Variants in EFCAB11 observed in about 807,000 individuals in gnomAD.
The protein encoded by EFCAB11 is EF-hand calcium binding domain 11.
Under a neutral mutation model 23.0 loss-of-function variants are expected in EFCAB11, and 14 were observed. The observed-to-expected ratio is 0.61, with a 90% CI of 0.40 to 0.95. The LOEUF (loss-of-function observed/expected upper bound fraction) is 0.95. Among genes scored for constraint, EFCAB11 ranks in the 40% least tolerant of loss-of-function variants. The probability of loss-of-function intolerance (pLI) is 0.00; values close to 1 mark genes in which losing one functional copy is unlikely to be tolerated. For synonymous variants in EFCAB11, 65 were observed against 66.6 expected, an observed-to-expected ratio of 0.98 and a Z score of 0.11; for missense variants, 198 against 195.8, an observed-to-expected ratio of 1.01 and a Z score of -0.07.
chr14:89,917,080 GTGTGTGTGTGTGTGTGTA>G (rs59365611), intron 5 of EFCAB11, among the ~76,000 whole-genome samples: 2,978 of 141,434 alleles, frequency 0.021, 105 homozygotes, highest in African/African-American at 0.087. Flanking sequence ...GTGTGTGTGT[GTGTGTGTGTGTGTGTGTA>G]TGTGTGTGTT....
chr14:89,814,918 G>A (rs747121552), intron 5 of EFCAB11, among the ~76,000 whole-genome samples: 2 of 152,110 alleles, frequency 1.3e-5, no homozygotes, highest in Non-Finnish European at 2.9e-5. Context: ...AGAAAGGAAC[G>A]CCAATTTGTA....
intron 5 of EFCAB11, among the ~76,000 whole-genome samples, chr14:89,814,722 C>A (rs1886274012): frequency 6.6e-6 from 1 of 151,798 alleles, no homozygotes. Context: ...AAAAAATCAC[C>A]CAGCCCCACT....
At chr14:89,924,030 CT>C in intron 5 of EFCAB11, 1 of 985,530 alleles carries the variant, frequency 1.0e-6, no homozygotes. Context: ...GTCCTTACCC[CT>C]ATAATGGCTG....
At chr14:89,930,062 C>A (rs1890337671) in intron 5 of EFCAB11, among the ~76,000 whole-genome samples, 1 of 152,174 alleles carries the variant, frequency 6.6e-6, no homozygotes, top group South Asian at 2.1e-4. Flanking sequence ...TATCTCATCA[C>A]AAAATACAAA....
intron 5 of EFCAB11, among the ~76,000 whole-genome samples, chr14:89,918,265 G>A (rs954424365): frequency 5.3e-5 from 8 of 152,236 alleles, no homozygotes; most frequent in Admixed American, 2.6e-4. Flanking sequence ...AAGGCTGGGC[G>A]TGGTGGCTCA....
chr14:89,949,193 A>T (rs1441428735), intron 3 of EFCAB11, among the ~76,000 whole-genome samples: 21 of 152,126 alleles, frequency 1.4e-4, no homozygotes, highest in Admixed American at 1.4e-3. Flanking sequence ...ATTTCCCATG[A>T]TGTGACTATT....
chr14:89,938,999 T>C (rs1041679307), intron 3 of EFCAB11, among the ~76,000 whole-genome samples: 46 of 141,896 alleles, frequency 3.2e-4, no homozygotes, highest in Non-Finnish European at 4.4e-4. Flanking sequence ...CCAGTTACAG[T>C]AGAATAGAGA....
chr14:89,836,967 A>C (rs908691122), intron 5 of EFCAB11: 1 of 453,402 alleles, frequency 2.2e-6, no homozygotes, highest in African/African-American at 2.0e-5. Flanking sequence ...GGCTGCAGTG[A>C]GCCAAGACTG....
rs1354235916 is a variant in EFCAB11 at position 89,795,708 on chromosome 14, T to C, written c.*1535A>G. The C allele has an allele frequency of 6.6e-6, 1 of 152,204 alleles. No individual in the cohort carries two copies. The highest frequency in any genetic ancestry group is 1.5e-5 in the Non-Finnish European group (1 of 68,036). 9.4% of individuals were successfully genotyped at this position (152,204 alleles called of 1,614,324 possible). A position where few individuals can be genotyped will look rare whatever the true frequency, so the allele number is the denominator to read the frequency against. On this transcript the variant is annotated 3_prime_UTR_variant, in exon 6 of 6. Coordinates refer to ENST00000316738, the MANE Select transcript of EFCAB11 (RefSeq NM_145231.4). ...GTTTATTTTTATTAAGGTTATCTGC[T>C]AATAATTTGTATGATAATGACGCTT...
In EFCAB11 at chr14:89,953,531, C is replaced by G. The variant is rs528560329; in HGVS notation, c.171+375G>C. The stretch of plus-strand genomic sequence containing the variant: ...TTTCTGCACTGTTTTAATTTTTTGA[C>G]CGTGGATGTATTTTATAAACAAAGC... On this transcript the variant is annotated intron_variant, in intron 2 of 5. Transcript: ENST00000316738. 3.2e-4 allele frequency among the ~76,000 whole-genome samples: 48 copies of G among 152,238 alleles called. No homozygotes were observed. The South Asian group carries it at 9.7e-3, about 31-fold the overall frequency.
In EFCAB11 at chr14:89,919,784, G is replaced by A. The variant is rs76380222; in HGVS notation, c.410+11757C>T. Among the ~76,000 whole-genome samples the A allele has an allele frequency of 2.4e-3, 364 of 152,318 alleles. 2 individuals carry two copies. Among genetic ancestry groups the A allele is most frequent in the African/African-American group, 8.1e-3 (338 of 41,568 alleles). ...GGCTGGGGTAGGCAGAGGCAAGAGCGAGTGCAGGAACTACGAGGCTTCACA... is the reference window on the plus strand; with the variant it reads ...GGCTGGGGTAGGCAGAGGCAAGAGCAAGTGCAGGAACTACGAGGCTTCACA... On this transcript the variant is annotated intron_variant, in intron 5 of 5. Coordinates refer to ENST00000316738, the MANE Select transcript of EFCAB11 (RefSeq NM_145231.4).
intron 5 of EFCAB11, among the ~76,000 whole-genome samples, chr14:89,907,858 C>G (rs879610645): frequency 6.6e-6 from 1 of 152,196 alleles, no homozygotes; most frequent in Non-Finnish European, 1.5e-5. Context: ...CACTCAGCTG[C>G]TTTGTACCTG....
At chr14:89,952,552 T>G in intron 2 of EFCAB11, 2 of 985,448 alleles carry the variant, frequency 2.0e-6, no homozygotes, top group Non-Finnish European at 2.4e-6. Flanking sequence ...AGCTTCTCAG[T>G]AACTAGGCAG....
intron 5 of EFCAB11, among the ~76,000 whole-genome samples, chr14:89,922,834 G>A (rs1172825337): frequency 6.6e-6 from 1 of 152,180 alleles, no homozygotes; most frequent in Non-Finnish European, 1.5e-5. Context: ...ATTTATGAAA[G>A]ATTAGGAGTT....
intron 5 of EFCAB11, among the ~76,000 whole-genome samples, chr14:89,900,507 A>C (rs1420299324): frequency 6.6e-6 from 1 of 152,212 alleles, no homozygotes; most frequent in African/African-American, 2.4e-5. Context: ...AGAAAATAAG[A>C]AGCACAGCTG....
At chr14:89,862,856 A>G (rs998170366) in intron 5 of EFCAB11, among the ~76,000 whole-genome samples, 2 of 152,184 alleles carry the variant, frequency 1.3e-5, no homozygotes, top group East Asian at 3.8e-4. Context: ...GAGTTAGGTA[A>G]AACTAGCAGG....
chr14:89,949,555 G>A (rs763017678), intron 3 of EFCAB11, among the ~76,000 whole-genome samples: 2 of 151,444 alleles, frequency 1.3e-5, no homozygotes, highest in Admixed American at 6.6e-5. Flanking sequence ...TAGTAGAGAC[G>A]GTGTTTCATC....
chr14:89,909,495 G>T (rs7157258), intron 5 of EFCAB11, among the ~76,000 whole-genome samples: 8,611 of 138,956 alleles, frequency 0.062, 419 homozygotes, highest in African/African-American at 0.17. Flanking sequence ...AGGGAGAATA[G>T]CTTGAAGCCG....
intron 5 of EFCAB11, among the ~76,000 whole-genome samples, chr14:89,913,855 A>G (rs1424520175): frequency 1.3e-5 from 2 of 152,216 alleles, no homozygotes; most frequent in African/African-American, 4.8e-5. Context: ...TTGCTCTTTC[A>G]TAGATCAGGG....
Sources: gnomAD v4.1 joint callset for allele counts (sites outside exome capture counted in the v4.1 genomes callset) on GRCh38, gnomAD v4.1.1 for gene constraint, MANE v1.5 for transcripts, NCBI Gene and HGNC (gene_info 2026-07-23, HGNC 2026-07-21) for gene names.